The following KDM6A variants were observed in gnomAD, a reference collection of about 807,000 sequenced individuals.
KDM6A encodes the protein lysine demethylase 6A.
A neutral mutation model predicts 117.6 loss-of-function variants in KDM6A; 11 were observed. The ratio of observed to expected loss-of-function variants is 0.09; its 90% CI spans 0.06 to 0.15. The LOEUF is 0.15. Ranked by LOEUF, KDM6A falls within the 10% of genes least tolerant of loss-of-function variation. KDM6A has a pLI of 1.00. For missense variants in KDM6A, 799 were observed against 1,077.3 expected, an observed-to-expected ratio of 0.74 and a Z score of 3.62; for synonymous variants, 384 against 396.1, an observed-to-expected ratio of 0.97 and a Z score of 0.36.
chrX:44,949,190 A>G (rs2037833266), intron 2 of KDM6A, among the ~76,000 whole-genome samples: 1 of 111,180 alleles, frequency 9.0e-6, no homozygotes, highest in Non-Finnish European at 1.9e-5. Flanking sequence ...CAGGAGTTTG[A>G]GAGACCAGCC....
chrX:45,051,095 C>T (rs1240341905), intron 8 of KDM6A, among the ~76,000 whole-genome samples: 2 of 111,441 alleles, frequency 1.8e-5, no homozygotes, highest in East Asian at 2.8e-4. Flanking sequence ...CCGCAACCTC[C>T]GCCTCCCGGT....
At chrX:44,884,964 A>G (rs1375663970) in intron 2 of KDM6A, among the ~76,000 whole-genome samples, 1 of 111,104 alleles carries the variant, frequency 9.0e-6, no homozygotes, top group Admixed American at 9.6e-5. Context: ...ACCACTACCC[A>G]TGCCAGAAAC....
chrX:44,963,609 A>G (rs1224932288), intron 3 of KDM6A, among the ~76,000 whole-genome samples: 1 of 110,705 alleles, frequency 9.0e-6, no homozygotes, highest in African/African-American at 3.3e-5. Context: ...TCCACTTCTA[A>G]TTCTGTTTCT....
intron 2 of KDM6A, among the ~76,000 whole-genome samples, chrX:44,924,927 G>A (rs182830633): frequency 9.0e-6 from 1 of 111,137 alleles, no homozygotes; most frequent in Non-Finnish European, 1.9e-5. Context: ...GACCTCAAGC[G>A]ATCCTCCTGC....
chrX:44,932,708 C>T (rs1018904270), intron 2 of KDM6A, among the ~76,000 whole-genome samples: 18 of 110,619 alleles, frequency 1.6e-4, no homozygotes, highest in African/African-American at 5.9e-4. Context: ...CATGTCTTAT[C>T]TATGTATTGT....
In KDM6A at chrX:45,070,154, T is replaced by A. The variant is rs2148052866; in HGVS notation, c.2655T>A (p.Thr885=). The change falls in exon 18 of 30, where the codon ACT becomes ACA. Residue 885 remains threonine (T), a synonymous_variant. Transcript: ENST00000611820. Reference sequence around the variant, plus strand: ...CAGCAACACCTTCTCCAAAATCCACTGAGCAGACAACCACAAACAGTGTTA... The same window carrying A: ...CAGCAACACCTTCTCCAAAATCCACAGAGCAGACAACCACAAACAGTGTTA... ...ISTATPSPKS[T]EQTTTNSVTS... is the part of the protein sequence containing the mutation. The A allele has an allele frequency of 8.3e-7, 1 of 1,211,558 alleles. No homozygotes were observed. Among genetic ancestry groups the A allele is most frequent in the Admixed American group, 2.2e-5 (1 of 46,033 alleles).
At position 44,920,949 on chromosome X, in the gene KDM6A, G is replaced by A. The variant is rs192234435; in HGVS notation, c.226-40335G>A. On this transcript the variant is annotated intron_variant, in intron 2 of 29. Transcript: ENST00000611820. ...GAGTGCAGTGGTGTGATTTCGGCTCGCTGCAACCTCCGCCTCTCGGGTTCA... is the reference window on the plus strand; with the variant it reads ...GAGTGCAGTGGTGTGATTTCGGCTCACTGCAACCTCCGCCTCTCGGGTTCA... Among the ~76,000 whole-genome samples, 193 of 97,408 alleles carry A rather than the reference G, an allele frequency of 2.0e-3. 2 individuals are homozygous for A. The highest frequency in any genetic ancestry group is 2.0e-3 in the Non-Finnish European group (99 of 48,854). The allele number at this position is 97,408 out of a possible 115,157, so 84.6% of individuals were successfully genotyped here.
intron 8 of KDM6A, among the ~76,000 whole-genome samples, chrX:45,047,054 GT>G (rs2147883599): frequency 9.0e-6 from 1 of 110,818 alleles, no homozygotes; most frequent in Non-Finnish European, 1.9e-5. Flanking sequence ...TATTGATATG[GT>G]TGGATAAAGT....
At position 45,053,824 on chromosome X, in the gene KDM6A, T is replaced by C. The variant is rs2147928508; in HGVS notation, c.749-5T>C. 8.5e-7 allele frequency: 1 copy of C among 1,180,469 alleles called. No homozygotes were observed. The highest frequency in any genetic ancestry group is 1.8e-5 in the South Asian group (1 of 56,219). Reference sequence around the variant, plus strand: ...ATGTAAATTTTTTTAAATCATTTACTGTAGGTTGGATGCATCACACTGTAG... The same window carrying C: ...ATGTAAATTTTTTTAAATCATTTACCGTAGGTTGGATGCATCACACTGTAG... On this transcript the variant is annotated splice_polypyrimidine_tract_variant and splice_region_variant and intron_variant, in intron 9 of 29. Coordinates refer to ENST00000611820, the MANE Select transcript of KDM6A (RefSeq NM_001291415.2).
intron 2 of KDM6A, among the ~76,000 whole-genome samples, chrX:44,918,758 G>A (rs1602187661): frequency 9.0e-6 from 1 of 111,549 alleles, no homozygotes; most frequent in Middle Eastern, 4.6e-3. Context: ...ACAGTTGAAA[G>A]GTATCTCAGA....
chrX:45,006,017 C>T (rs1040803148), intron 4 of KDM6A, among the ~76,000 whole-genome samples: 6 of 83,143 alleles, frequency 7.2e-5, no homozygotes, highest in Non-Finnish European at 1.4e-4. Context: ...CCACCCACCA[C>T]CCGGCTTTCT....
intron 2 of KDM6A, among the ~76,000 whole-genome samples, chrX:44,888,166 G>A (rs780952006): frequency 9.0e-5 from 10 of 111,030 alleles, no homozygotes; most frequent in East Asian, 2.8e-4. Flanking sequence ...TTAACCGGGC[G>A]TGGTGGCGGG....
At chrX:45,071,622 A>G (rs978793629) in intron 18 of KDM6A, among the ~76,000 whole-genome samples, 1 of 111,425 alleles carries the variant, frequency 9.0e-6, no homozygotes, top group African/African-American at 3.3e-5. Context: ...AGAAATTTCA[A>G]TTAATTTAAA....
At chrX:45,010,328 A>C (rs1318602644) in intron 4 of KDM6A, among the ~76,000 whole-genome samples, 1 of 108,712 alleles carries the variant, frequency 9.2e-6, no homozygotes, top group Admixed American at 9.9e-5. Context: ...CTCTTTAAAA[A>C]AAAAAGAAAA....
chrX:45,041,345 A>G (rs1450009711), intron 8 of KDM6A, among the ~76,000 whole-genome samples: 3 of 86,904 alleles, frequency 3.5e-5, no homozygotes, highest in Non-Finnish European at 6.8e-5. Context: ...CTGGCCGGGC[A>G]GAGGGGCTCC....
chrX:44,991,681 G>A (rs1022856653), intron 4 of KDM6A, among the ~76,000 whole-genome samples: 2 of 110,343 alleles, frequency 1.8e-5, no homozygotes, highest in African/African-American at 6.5e-5. Flanking sequence ...GGGTGTTTTT[G>A]TTGTTGTTGT....
At chrX:44,946,714 A>C (rs2037654816) in intron 2 of KDM6A, among the ~76,000 whole-genome samples, 1 of 92,793 alleles carries the variant, frequency 1.1e-5, no homozygotes, top group African/African-American at 4.0e-5. Context: ...AGGTTTTTTT[A>C]TATGTAGATA....
At chrX:44,880,379 A>G (rs2032149849) in intron 2 of KDM6A, among the ~76,000 whole-genome samples, 1 of 109,508 alleles carries the variant, frequency 9.1e-6, no homozygotes, top group African/African-American at 3.3e-5. Context: ...CTTAATGGTC[A>G]TCTTGGAGTA....
At chrX:45,026,513 A>G (rs1405458901) in intron 6 of KDM6A, among the ~76,000 whole-genome samples, 1 of 111,269 alleles carries the variant, frequency 9.0e-6, no homozygotes, top group Non-Finnish European at 1.9e-5. Flanking sequence ...TAGAATGCAC[A>G]GATCATTTGT....
Sources: gnomAD v4.1 joint callset for allele counts (sites outside exome capture counted in the v4.1 genomes callset) on GRCh38, gnomAD v4.1.1 for gene constraint, MANE v1.5 for transcripts, NCBI Gene and HGNC (gene_info 2026-07-23, HGNC 2026-07-21) for gene names.